The following SH2B1 variants were observed in gnomAD, a reference collection of about 807,000 sequenced individuals.
SH2B1 encodes SH2B adapter protein 1.
A neutral mutation model predicts 62.6 loss-of-function variants in SH2B1; 15 were observed. That is an observed-to-expected ratio of 0.24 (90% CI 0.16 to 0.37). The LOEUF (loss-of-function observed/expected upper bound fraction) is 0.37, where lower values mean the gene tolerates loss of function less well. Among genes scored for constraint, SH2B1 ranks in the 10% least tolerant of loss-of-function variants. The pLI, the probability that SH2B1 is intolerant of heterozygous loss-of-function variation, is 1.00. For missense variants in SH2B1, 925 were observed against 1,015.6 expected, an observed-to-expected ratio of 0.91 and a Z score of 1.21; for synonymous variants, 443 against 438.0, an observed-to-expected ratio of 1.01 and a Z score of -0.14.
In SH2B1 at chr16:28,864,302, A is replaced by G; in HGVS notation, c.-1793A>G. Reference sequence around the variant, plus strand: ...AAAATGTGTCTGAGTCCTGCTTGGCAGAAGAGAAACTGAGTCACCAGCTTA... The same window carrying G: ...AAAATGTGTCTGAGTCCTGCTTGGCGGAAGAGAAACTGAGTCACCAGCTTA... On this transcript the variant is annotated 5_prime_UTR_variant, in exon 1 of 8. Coordinates refer to ENST00000684370, the MANE Select transcript of SH2B1 (RefSeq NM_001387430.1). The G allele has an allele frequency of 1.0e-6, 1 of 995,820 alleles. No individual in the cohort carries two copies. The highest frequency in any genetic ancestry group is 1.2e-6 in the Non-Finnish European group (1 of 836,190). The allele number at this position is 995,820 out of a possible 1,614,324, so 61.7% of individuals were successfully genotyped here. A position where few individuals can be genotyped will look rare whatever the true frequency, so the allele number is the denominator to read the frequency against.
chr16:28,861,263 G>A (rs139861094), upstream of SH2B1, among the ~76,000 whole-genome samples: 515 of 152,200 alleles, frequency 3.4e-3, 9 homozygotes, highest in African/African-American at 0.012. Context: ...CTCCTGAGTA[G>A]CTGAGATTAC....
intron 1 of SH2B1, among the ~76,000 whole-genome samples, chr16:28,849,809 G>A (rs1962057544): frequency 6.6e-6 from 1 of 152,124 alleles, no homozygotes; most frequent in Admixed American, 6.6e-5. Flanking sequence ...TGTAGTCTCA[G>A]CTACTCAGGA....
Position 28,873,759 on chromosome 16 carries a change from G to T in SH2B1, c.2210G>T (p.Gly737Val). Residue 737 changes from glycine to valine, a missense_variant, in exon 8 of 8, where the codon GGG becomes GTG. Gly to Val is a moderately radical substitution (Grantham distance 109). This residue lies in a region of SH2B1 where 185 missense variants were observed against 189.5 expected (regional missense o/e 0.98). Transcript: ENST00000684370. This position sits in a 1 kb window ranked among gnomAD's most constrained non-coding sequence, Gnocchi z 4.2. Reference protein sequence around the residue: ...PMVQLQQSPLGGDGEEGGHPR... With the variant: ...PMVQLQQSPLVGDGEEGGHPR... ...GTGCAGCTGCAGCAGTCACCACTAG[G>T]GGGTGATGGAGAGGAAGGGGGCCAC... The T allele has an allele frequency of 6.8e-7, 1 of 1,477,518 alleles. No homozygotes were observed. The highest frequency in any genetic ancestry group is 2.5e-5 in the East Asian group (1 of 40,142). 91.5% of individuals were successfully genotyped at this position (1,477,518 alleles called of 1,614,324 possible).
upstream of SH2B1, chr16:28,862,492 GT>G (rs1309841436): frequency 1.3e-5 from 2 of 151,516 alleles, no homozygotes. Context: ...TGCAGATGGG[GT>G]TTCACCATGT....
At chr16:28,868,791 G>C (rs994154279) in intron 2 of SH2B1, among the ~76,000 whole-genome samples, 2 of 151,440 alleles carry the variant, frequency 1.3e-5, no homozygotes, top group African/African-American at 4.8e-5. Flanking sequence ...TTTAGAGACA[G>C]GTTCTCACTA....
chr16:28,866,613 G>A lies in SH2B1; in HGVS notation c.519G>A (p.Arg173=), dbSNP rs543276258. 1 of 1,613,956 alleles carries A rather than the reference G, an allele frequency of 6.2e-7. No homozygotes were observed. Among genetic ancestry groups the A allele is most frequent in the South Asian group, 1.1e-5 (1 of 91,078 alleles). Residue 173 remains arginine (R), a synonymous_variant, in exon 1 of 8, where the codon CGG becomes CGA. Coordinates refer to ENST00000684370, the MANE Select transcript of SH2B1 (RefSeq NM_001387430.1). The surrounding 1 kb of genome is among the most constrained non-coding windows in gnomAD (Gnocchi z 6.3). Reference sequence around the variant, plus strand: ...CAGTCCGTGGCATCCTGCAGTGGCGGGGGACCGTTGACCCTCCCTCCTCCG... The same window carrying A: ...CAGTCCGTGGCATCCTGCAGTGGCGAGGGACCGTTGACCCTCCCTCCTCCG... The part of the protein sequence containing the change: ...RGSVRGILQW[R]GTVDPPSSAG...
chr16:28,872,508 C>A lies in SH2B1; in HGVS notation c.1726-26C>A. ...TACCTGGCAGGGCCTTTGCCTCCTA[C>A]CTCACCTCCCCCATCCCGCCCTCAG... On this transcript the variant is annotated intron_variant, in intron 6 of 7. Coordinates refer to ENST00000684370, the MANE Select transcript of SH2B1 (RefSeq NM_001387430.1). The surrounding 1 kb of genome is among the most constrained non-coding windows in gnomAD (Gnocchi z 5.3). The A allele has an allele frequency of 6.3e-7, 1 of 1,596,932 alleles. No individual in the cohort carries two copies.
Position 28,873,807 on chromosome 16 carries a change from A to G in SH2B1, c.2258A>G (p.Tyr753Cys). 1 of 1,441,910 alleles carries G rather than the reference A, an allele frequency of 6.9e-7. No homozygotes were observed. The highest frequency in any genetic ancestry group is 9.1e-7 in the Non-Finnish European group (1 of 1,099,518). The allele number at this position is 1,441,910 out of a possible 1,614,324, so 89.3% of individuals were successfully genotyped here. A position where few individuals can be genotyped will look rare whatever the true frequency, so the allele number is the denominator to read the frequency against. The change falls in exon 8 of 8, where the codon TAC becomes TGC. Residue 753 changes from tyrosine (Y) to cysteine (C), a missense_variant. Around this residue, in one of 3 missense-constraint regions of SH2B1, gnomAD observed 185 missense variants for 189.5 expected, o/e 0.98. Transcript: ENST00000684370. This position sits in a 1 kb window ranked among gnomAD's most constrained non-coding sequence, Gnocchi z 4.2. ...CACCCCAGGGCCATTAACAACCAGTACTCCTTCGTGTGAGCCAACCCCACC... is the reference window on the plus strand; with the variant it reads ...CACCCCAGGGCCATTAACAACCAGTGCTCCTTCGTGTGAGCCAACCCCACC... ...GGHPRAINNQ[Y>C]SFV
intron 4 of SH2B1, 129 bp downstream of exon 4, chr16:28,869,512 C>G: frequency 1.3e-6 from 1 of 791,638 alleles, no homozygotes; most frequent in Non-Finnish European, 2.0e-6. Context: ...CTACCCCAAC[C>G]CCACCAAATG....
chr16:28,870,248 C>CTGAGA (rs1962955636), intron 4 of SH2B1, among the ~76,000 whole-genome samples: 1 of 152,150 alleles, frequency 6.6e-6, no homozygotes, highest in Non-Finnish European at 1.5e-5. Flanking sequence ...GCTAGGATGC[C>CTGAGA]TGAGATGAGC....
At chr16:28,846,944 A>G (rs963955203) in intron 1 of SH2B1, 2 of 152,872 alleles carry the variant, frequency 1.3e-5, no homozygotes, top group African/African-American at 2.4e-5. Flanking sequence ...CTTCATAGGG[A>G]GAGCCTGACA....
At chr16:28,859,243 C>G (rs1567461980), upstream of SH2B1, among the ~76,000 whole-genome samples, 2 of 152,008 alleles carry the variant, frequency 1.3e-5, no homozygotes, top group Non-Finnish European at 2.9e-5. Context: ...CATGCCCAGC[C>G]TATTTATTTA....
chr16:28,860,249 A>ATTT (rs541257161), upstream of SH2B1, among the ~76,000 whole-genome samples: 1 of 131,964 alleles, frequency 7.6e-6, no homozygotes, highest in African/African-American at 2.9e-5. Flanking sequence ...CACTTCTTGA[A>ATTT]TTTTTTTTTT....
Position 28,873,002 on chromosome 16 carries a change from C to A in SH2B1, c.1897+297C>A, listed in dbSNP as rs1056501654. The stretch of plus-strand genomic sequence containing the variant: ...TGTCTGTCTGTCTCCTGGACCCATC[C>A]TGGCCTCGTCTTTGCCCTCCGTCGC... On this transcript the variant is annotated intron_variant, in intron 7 of 7. Transcript: ENST00000684370. The surrounding 1 kb of genome is among the most constrained non-coding windows in gnomAD (Gnocchi z 4.2). 3.3e-5 allele frequency: 21 copies of A among 639,596 alleles called. No individual in the cohort carries two copies. The East Asian group carries it at 5.7e-4, about 17-fold the overall frequency. 39.6% of individuals were successfully genotyped at this position (639,596 alleles called of 1,614,324 possible).
chr16:28,848,940 G>A (rs977914616), intron 1 of SH2B1, among the ~76,000 whole-genome samples: 2 of 151,996 alleles, frequency 1.3e-5, no homozygotes, highest in East Asian at 3.9e-4. Context: ...CCAAAATGCT[G>A]GGATTATAGG....
chr16:28,852,374 T>A (rs1457399834), intron 1 of SH2B1, among the ~76,000 whole-genome samples: 3 of 77,134 alleles, frequency 3.9e-5, no homozygotes, highest in African/African-American at 6.5e-5. Flanking sequence ...TTATATATAT[T>A]TACATATATT....
rs745581801 is a variant in SH2B1, at chr16:28,866,516, C to G, written c.422C>G (p.Ser141Cys). 6.2e-7 allele frequency: 1 copy of G among 1,614,028 alleles called. No homozygotes were observed. The highest frequency in any genetic ancestry group is 2.2e-5 in the East Asian group (1 of 44,868). ...GPLPSSVSSS[S>C]TTSSKPKLKK... Reference sequence around the variant, plus strand: ...CTCCCTTCCTCAGTCTCTTCCTCCTCTACAACCTCCTCCAAGCCGAAGCTC... The same window carrying G: ...CTCCCTTCCTCAGTCTCTTCCTCCTGTACAACCTCCTCCAAGCCGAAGCTC... The change falls in exon 1 of 8, where the codon TCT becomes TGT. Residue 141 changes from serine (S) to cysteine (C), a missense_variant. This residue lies in a region of SH2B1 where 683 missense variants were observed against 704.0 expected (regional missense o/e 0.97). Coordinates refer to ENST00000684370, the MANE Select transcript of SH2B1 (RefSeq NM_001387430.1). This position sits in a 1 kb window ranked among gnomAD's most constrained non-coding sequence, Gnocchi z 6.3.
intron 1 of SH2B1, among the ~76,000 whole-genome samples, chr16:28,851,607 C>T (rs1331567788): frequency 1.3e-5 from 2 of 151,318 alleles, no homozygotes; most frequent in African/African-American, 4.8e-5. Context: ...GGATTCCAGG[C>T]GCCTGCCACC....
At position 28,864,516 on chromosome 16, in the gene SH2B1, T is replaced by G; in HGVS notation, c.-1579T>G. 1.0e-6 allele frequency: 1 copy of G among 985,718 alleles called. No individual in the cohort carries two copies. Among genetic ancestry groups the G allele is most frequent in the Non-Finnish European group, 1.2e-6 (1 of 830,074 alleles). 61.1% of individuals were successfully genotyped at this position (985,718 alleles called of 1,614,324 possible). On this transcript the variant is annotated 5_prime_UTR_variant, in exon 1 of 8. Coordinates refer to ENST00000684370, the MANE Select transcript of SH2B1 (RefSeq NM_001387430.1). Reference sequence around the variant, plus strand: ...CGTTGGTTTGGAGTTGTCCCTGCGGTTGGAGCCATCTGAGCTTGTAGGGTC... The same window carrying G: ...CGTTGGTTTGGAGTTGTCCCTGCGGGTGGAGCCATCTGAGCTTGTAGGGTC...
Sources: allele counts gnomAD v4.1 joint callset (sites outside exome capture counted in the v4.1 genomes callset), GRCh38; gene constraint gnomAD v4.1.1; regional missense constraint gnomAD v4.1.1; non-coding constraint Gnocchi (gnomAD v3.1); transcripts MANE v1.5; gene names NCBI Gene and HGNC (gene_info 2026-07-23, HGNC 2026-07-21).